Variants in ARB2A observed in about 807,000 individuals in gnomAD.
ARB2A encodes the protein ARB2 cotranscriptional regulator A.
At chr5:93,862,618 GTGTGTGTGTGTT>G in the ARB2A span, 3 of 151,916 alleles carry the variant, frequency 2.0e-5, no homozygotes, top group Non-Finnish European at 2.9e-5. Context: ...GATTACTAGT[GTGTGTGTGTGTT>G]TGTGTATGTG....
the ARB2A span, among the ~76,000 whole-genome samples, chr5:93,863,984 T>C: frequency 6.6e-6 from 1 of 152,196 alleles, no homozygotes; most frequent in African/African-American, 2.4e-5. Context: ...ACAAAAAATG[T>C]ATCGATCACC....
chr5:94,055,735 C>G, the ARB2A span: 1 of 985,386 alleles, frequency 1.0e-6, no homozygotes, highest in Non-Finnish European at 1.2e-6. Flanking sequence ...CCAGAATGTT[C>G]TCATTTTCCT....
the ARB2A span, among the ~76,000 whole-genome samples, chr5:93,913,295 C>A: frequency 6.6e-6 from 1 of 152,040 alleles, no homozygotes; most frequent in East Asian, 1.9e-4. Flanking sequence ...AGTTTTGATG[C>A]TCTTACTCTC....
chr5:93,966,356 CA>C, the ARB2A span, among the ~76,000 whole-genome samples: 1 of 151,868 alleles, frequency 6.6e-6, no homozygotes, highest in Non-Finnish European at 1.5e-5. Context: ...ACTGACCTTA[CA>C]AAAAGAAAAA....
At chr5:93,762,219 G>C in the ARB2A span, among the ~76,000 whole-genome samples, 1 of 152,214 alleles carries the variant, frequency 6.6e-6, no homozygotes, top group African/African-American at 2.4e-5. Context: ...TTGATGAGTT[G>C]AGAGAAGAAG....
chr5:93,809,059 T>C, the ARB2A span, among the ~76,000 whole-genome samples: 1 of 152,142 alleles, frequency 6.6e-6, no homozygotes, highest in African/African-American at 2.4e-5. Flanking sequence ...GTAGCAAATA[T>C]TTCTAATATT....
chr5:93,769,904 C>T, the ARB2A span, among the ~76,000 whole-genome samples: 1 of 152,130 alleles, frequency 6.6e-6, no homozygotes, highest in East Asian at 1.9e-4. Context: ...AAGTTACACT[C>T]AGTAGCAAGT....
At chr5:93,679,298 A>T in the ARB2A span, among the ~76,000 whole-genome samples, 1 of 151,846 alleles carries the variant, frequency 6.6e-6, no homozygotes, top group Non-Finnish European at 1.5e-5. Flanking sequence ...AAAAAAAAAA[A>T]TCTTAGTGAA....
At chr5:93,891,602 T>C in the ARB2A span, among the ~76,000 whole-genome samples, 4 of 152,132 alleles carry the variant, frequency 2.6e-5, no homozygotes, top group Admixed American at 2.6e-4. Context: ...TTTGTCTTTT[T>C]GCTGGAACAT....
the ARB2A span, among the ~76,000 whole-genome samples, chr5:93,634,258 G>A: frequency 6.6e-6 from 1 of 151,860 alleles, no homozygotes; most frequent in African/African-American, 2.4e-5. Flanking sequence ...AAATTAGCTG[G>A]GCGTGGTGGT....
the ARB2A span, among the ~76,000 whole-genome samples, chr5:93,703,782 A>G: frequency 1.3e-5 from 2 of 152,162 alleles, no homozygotes; most frequent in Admixed American, 1.3e-4. Flanking sequence ...ACATCTGGCT[A>G]TTCCATCTCT....
At chr5:93,887,272 A>G in the ARB2A span, among the ~76,000 whole-genome samples, 2 of 151,198 alleles carry the variant, frequency 1.3e-5, no homozygotes, top group Non-Finnish European at 3.0e-5. Flanking sequence ...AAAAAAAAAG[A>G]AAAGAAAATT....
At chr5:93,739,973 A>G in the ARB2A span, 1 of 148,898 alleles carries the variant, frequency 6.7e-6, no homozygotes, top group Non-Finnish European at 1.5e-5. Context: ...AAGCTGGGGC[A>G]CCAGAAATGA....
the ARB2A span, among the ~76,000 whole-genome samples, chr5:93,667,463 G>T: frequency 1.3e-5 from 2 of 151,870 alleles, no homozygotes; most frequent in Non-Finnish European, 2.9e-5. Context: ...TCTTTTTTTG[G>T]TTGGTGGGTG....
the ARB2A span, chr5:93,881,298 C>T: frequency 1.3e-4 from 64 of 487,606 alleles, no homozygotes; most frequent in African/African-American, 8.4e-4. Flanking sequence ...AAGAATGATG[C>T]GTTTTGTAAT....
the ARB2A span, among the ~76,000 whole-genome samples, chr5:93,690,392 G>A: frequency 1.3e-5 from 2 of 152,134 alleles, no homozygotes; most frequent in Non-Finnish European, 2.9e-5. Flanking sequence ...CATTACTGAG[G>A]CTTGAGTAGG....
At chr5:93,955,886 GCTTTTTACCC>G in the ARB2A span, among the ~76,000 whole-genome samples, 2 of 152,092 alleles carry the variant, frequency 1.3e-5, no homozygotes, top group Non-Finnish European at 1.5e-5. Flanking sequence ...AGAGTTTCCT[GCTTTTTACCC>G]CTTTTTAGAG....
chr5:93,821,246 A>G, the ARB2A span, among the ~76,000 whole-genome samples: 267 of 152,280 alleles, frequency 1.8e-3, 2 homozygotes, highest in African/African-American at 5.5e-3. Context: ...ACAGTGGTAG[A>G]AAAACGATTT....
At chr5:93,743,648 A>C in the ARB2A span, 1 of 641,108 alleles carries the variant, frequency 1.6e-6, no homozygotes, top group Non-Finnish European at 1.9e-6. Context: ...AGGTCCACAT[A>C]CTGAAAACAG....
Sources: allele counts gnomAD v4.1 joint callset (sites outside exome capture counted in the v4.1 genomes callset), GRCh38; gene constraint gnomAD v4.1.1; transcripts MANE v1.5; gene names NCBI Gene and HGNC (gene_info 2026-07-23, HGNC 2026-07-21).